The following KHDRBS2 variants were observed in gnomAD, a reference collection of about 807,000 sequenced individuals.
KHDRBS2 encodes KH RNA binding domain containing, signal transduction associated 2.
KHDRBS2 carries 26 observed loss-of-function variants against 44.3 expected under a neutral mutation model. The observed-to-expected ratio is 0.59, with a 90% CI of 0.43 to 0.81. KHDRBS2 has a LOEUF of 0.81. KHDRBS2 is among the 40% of genes least tolerant of loss of function. The probability of loss-of-function intolerance (pLI) is 0.00; values close to 1 mark genes in which losing one functional copy is unlikely to be tolerated. For missense variants in KHDRBS2, 476 were observed against 433.1 expected, an observed-to-expected ratio of 1.10 and a Z score of -0.88; for synonymous variants, 194 against 151.1, an observed-to-expected ratio of 1.28 and a Z score of -2.08.
chr6:61,582,170 G>A, the KHDRBS2 span, among the ~76,000 whole-genome samples: 3 of 151,660 alleles, frequency 2.0e-5, no homozygotes, highest in Admixed American at 6.6e-5. Context: ...TGTGAGCTAA[G>A]CATTTAACTT....
chr6:62,243,103 G>C (rs1481839975), intron 1 of KHDRBS2, among the ~76,000 whole-genome samples: 1 of 152,106 alleles, frequency 6.6e-6, no homozygotes, highest in African/African-American at 2.4e-5. Flanking sequence ...TGAGCACAAT[G>C]CAAGTTGTTC....
chr6:62,246,764 T>C (rs190120896), intron 1 of KHDRBS2, among the ~76,000 whole-genome samples: 8 of 152,148 alleles, frequency 5.3e-5, no homozygotes, highest in Admixed American at 5.2e-4. Flanking sequence ...TAAGTCAAGA[T>C]ATTACTCAGC....
intron 1 of KHDRBS2, among the ~76,000 whole-genome samples, chr6:62,208,474 T>C (rs373441563): frequency 6.6e-6 from 1 of 152,286 alleles, no homozygotes; most frequent in East Asian, 1.9e-4. Flanking sequence ...CTTTATCTAT[T>C]TGTGCACTGA....
intron 8 of KHDRBS2, among the ~76,000 whole-genome samples, chr6:61,688,059 T>C (rs577056313): frequency 2.0e-5 from 3 of 151,998 alleles, no homozygotes; most frequent in African/African-American, 7.2e-5. Flanking sequence ...TTATCATCCA[T>C]TAATAATTGA....
At chr6:61,898,786 A>G (rs1803403679) in intron 5 of KHDRBS2, among the ~76,000 whole-genome samples, 1 of 151,964 alleles carries the variant, frequency 6.6e-6, no homozygotes, top group Admixed American at 6.6e-5. Context: ...GCACAAGGTC[A>G]ACACATATAC....
chr6:61,938,931 T>G (rs1811571071), intron 4 of KHDRBS2, among the ~76,000 whole-genome samples: 1 of 152,154 alleles, frequency 6.6e-6, no homozygotes, highest in Non-Finnish European at 1.5e-5. Flanking sequence ...AAAAAAATTC[T>G]GAAAAGAGCT....
chr6:61,723,550 A>AAAAC (rs199689641), intron 7 of KHDRBS2, among the ~76,000 whole-genome samples: 80 of 152,090 alleles, frequency 5.3e-4, no homozygotes, highest in South Asian at 1.7e-3. Flanking sequence ...CTCCATCTCA[A>AAAAC]AAACAAACAA....
intron 4 of KHDRBS2, among the ~76,000 whole-genome samples, chr6:61,975,135 G>A (rs1414978776): frequency 1.3e-5 from 2 of 152,010 alleles, no homozygotes; most frequent in Non-Finnish European, 2.9e-5. Flanking sequence ...GGAGTTCTAT[G>A]TTCTAAAGTT....
chr6:62,270,731 G>A (rs1000462248), intron 1 of KHDRBS2, among the ~76,000 whole-genome samples: 7 of 151,984 alleles, frequency 4.6e-5, no homozygotes, highest in Non-Finnish European at 8.8e-5. Context: ...AACCAAAGTA[G>A]ATAAGGAAAA....
chr6:62,210,185 T>G (rs931540581), intron 1 of KHDRBS2, among the ~76,000 whole-genome samples: 2 of 152,056 alleles, frequency 1.3e-5, no homozygotes, highest in African/African-American at 4.8e-5. Flanking sequence ...GACCACCTAT[T>G]TTTTAGGTGG....
At chr6:61,731,369 C>A (rs1342848979) in intron 7 of KHDRBS2, among the ~76,000 whole-genome samples, 1 of 151,972 alleles carries the variant, frequency 6.6e-6, no homozygotes, top group Non-Finnish European at 1.5e-5. Context: ...AGAAATTAAC[C>A]AATTATTCAG....
intron 2 of KHDRBS2, among the ~76,000 whole-genome samples, chr6:62,072,487 T>C (rs1403066952): frequency 6.6e-6 from 1 of 152,198 alleles, no homozygotes; most frequent in South Asian, 2.1e-4. Flanking sequence ...TTGTAATAGA[T>C]AGCTCTTATT....
intron 4 of KHDRBS2, among the ~76,000 whole-genome samples, chr6:61,938,573 CT>C (rs1811489768): frequency 6.6e-6 from 1 of 152,076 alleles, no homozygotes; most frequent in African/African-American, 2.4e-5. Flanking sequence ...GAAGGTTACT[CT>C]GGTAGTGTTC....
intron 3 of KHDRBS2, among the ~76,000 whole-genome samples, chr6:62,038,334 CT>C (rs78433308): frequency 2.1e-5 from 3 of 143,872 alleles, no homozygotes; most frequent in Non-Finnish European, 4.6e-5. Flanking sequence ...TTTTTTTTTT[CT>C]TTTTTGGTCT....
chr6:61,715,958 G>A (rs1771338901), intron 7 of KHDRBS2, among the ~76,000 whole-genome samples: 1 of 135,066 alleles, frequency 7.4e-6, no homozygotes, highest in Non-Finnish European at 1.6e-5. Context: ...TGACGTAGCA[G>A]GTTATATTTT....
At chr6:61,790,409 A>T (rs1307447891) in intron 6 of KHDRBS2, among the ~76,000 whole-genome samples, 1 of 91,900 alleles carries the variant, frequency 1.1e-5, no homozygotes, top group Admixed American at 1.0e-4. Context: ...TTGGGACTTA[A>T]AAAAAAAAAA....
chr6:62,229,231 C>T (rs1482710816), intron 1 of KHDRBS2, among the ~76,000 whole-genome samples: 1 of 152,042 alleles, frequency 6.6e-6, no homozygotes, highest in East Asian at 1.9e-4. Flanking sequence ...TTCAGGGAGG[C>T]CCTGCCCAGT....
chr6:61,747,736 T>C (rs1777070232), intron 6 of KHDRBS2, among the ~76,000 whole-genome samples: 1 of 152,142 alleles, frequency 6.6e-6, no homozygotes. Context: ...TCATTGGAAA[T>C]ATATTAACAA....
intron 6 of KHDRBS2, among the ~76,000 whole-genome samples, chr6:61,751,059 C>T (rs1368860947): frequency 6.6e-6 from 1 of 151,994 alleles, no homozygotes; most frequent in Non-Finnish European, 1.5e-5. Flanking sequence ...GTACTAAATA[C>T]TTGCATAAAT....
Sources: allele counts gnomAD v4.1 joint callset (sites outside exome capture counted in the v4.1 genomes callset), GRCh38; gene constraint gnomAD v4.1.1; transcripts MANE v1.5; gene names NCBI Gene and HGNC (gene_info 2026-07-23, HGNC 2026-07-21).